Variants in GABRG3 observed in about 807,000 individuals in gnomAD.
GABRG3 encodes the protein gamma-aminobutyric acid receptor subunit gamma-3.
In GABRG3, 25 loss-of-function variants were observed where a neutral mutation model predicts 48.8. The observed-to-expected ratio is 0.51, with a 90% confidence interval of 0.37 to 0.72. GABRG3 has a LOEUF of 0.72. Among genes scored for constraint, GABRG3 ranks in the 30% least tolerant of loss-of-function variants. The probability of loss-of-function intolerance (pLI) is 0.00; values close to 1 mark genes in which losing one functional copy is unlikely to be tolerated. For missense variants in GABRG3, 394 were observed against 577.9 expected (o/e 0.68, Z 3.26); for synonymous variants, 227 against 217.6 (o/e 1.04, Z -0.38).
At chr15:27,105,066 G>A (rs1290660723) in intron 3 of GABRG3, among the ~76,000 whole-genome samples, 1 of 152,078 alleles carries the variant, frequency 6.6e-6, no homozygotes, top group South Asian at 2.1e-4. Flanking sequence ...AACATAGATT[G>A]AAAGTAAAAG....
intron 3 of GABRG3, among the ~76,000 whole-genome samples, chr15:27,192,051 GC>G (rs1475174795): frequency 6.6e-6 from 1 of 151,950 alleles, no homozygotes; most frequent in Non-Finnish European, 1.5e-5. Flanking sequence ...TTGAATATTG[GC>G]CCCCACTCTC....
chr15:27,239,278 G>T (rs1327758251), intron 3 of GABRG3, among the ~76,000 whole-genome samples: 1 of 152,172 alleles, frequency 6.6e-6, no homozygotes, highest in African/African-American at 2.4e-5. Context: ...GCTATGTTTT[G>T]TATGGAGTCT....
At chr15:27,122,026 A>G (rs928263230) in intron 3 of GABRG3, among the ~76,000 whole-genome samples, 2 of 152,316 alleles carry the variant, frequency 1.3e-5, no homozygotes, top group Admixed American at 1.3e-4. Context: ...GAAAGAATGA[A>G]TAAGACCTAA....
intron 3 of GABRG3, among the ~76,000 whole-genome samples, chr15:27,218,453 A>G (rs1277432668): frequency 6.6e-6 from 1 of 152,206 alleles, no homozygotes; most frequent in African/African-American, 2.4e-5. Context: ...CCTTTTGCTC[A>G]AAATAATCCA....
chr15:27,003,158 AT>A (rs979935665), intron 2 of GABRG3, among the ~76,000 whole-genome samples: 4 of 144,322 alleles, frequency 2.8e-5, no homozygotes, highest in Admixed American at 2.7e-4. Flanking sequence ...AATAGTTTTT[AT>A]TTTTTTATTT....
At chr15:27,242,611 T>C (rs1890160248) in intron 3 of GABRG3, among the ~76,000 whole-genome samples, 3 of 152,212 alleles carry the variant, frequency 2.0e-5, no homozygotes, top group Admixed American at 2.0e-4. Context: ...TAGAATCCAA[T>C]GTATTTATCA....
At chr15:27,455,718 A>G (rs1889253182) in intron 5 of GABRG3, among the ~76,000 whole-genome samples, 1 of 141,556 alleles carries the variant, frequency 7.1e-6, no homozygotes, top group Non-Finnish European at 1.5e-5. Flanking sequence ...TGTGCATGCT[A>G]TGTGTGGTTT....
intron 7 of GABRG3, among the ~76,000 whole-genome samples, chr15:27,524,838 A>T (rs1891236346): frequency 6.6e-6 from 1 of 152,178 alleles, no homozygotes; most frequent in Non-Finnish European, 1.5e-5. Flanking sequence ...CACAATATAA[A>T]ATGGGATAGT....
rs531594456 is a variant in GABRG3, at chr15:27,048,648, C to T, written c.270+21827C>T. ...AATCATAACATTAATCAGCTGCCCACGGGTGGGCAGGCATTGTCAATTTCC... is the reference window on the plus strand; with the variant it reads ...AATCATAACATTAATCAGCTGCCCATGGGTGGGCAGGCATTGTCAATTTCC... On this transcript the variant is annotated intron_variant, in intron 3 of 9. Coordinates refer to ENST00000615808, the MANE Select transcript of GABRG3 (RefSeq NM_033223.5). 1.7e-3 allele frequency among the ~76,000 whole-genome samples: 257 copies of T among 152,268 alleles called. 1 individual carries two copies. Among genetic ancestry groups the T allele is most frequent in the Non-Finnish European group, 3.1e-3 (212 of 68,016 alleles).
At chr15:27,071,306 C>G (rs980945886) in intron 3 of GABRG3, among the ~76,000 whole-genome samples, 4 of 152,186 alleles carry the variant, frequency 2.6e-5, no homozygotes, top group Admixed American at 1.3e-4. Flanking sequence ...CACCCTACCC[C>G]CTTCTCCTCT....
At chr15:27,431,414 CG>C (rs1206672750) in intron 5 of GABRG3, among the ~76,000 whole-genome samples, 3 of 152,184 alleles carry the variant, frequency 2.0e-5, no homozygotes, top group Admixed American at 1.3e-4. Context: ...TTATTCTAAT[CG>C]TTTTTTTGTG....
chr15:27,306,668 A>T (rs1892497701), intron 3 of GABRG3, among the ~76,000 whole-genome samples: 1 of 82,662 alleles, frequency 1.2e-5, no homozygotes, highest in African/African-American at 4.3e-5. Flanking sequence ...GAACATGTTT[A>T]TATATAAACA....
chr15:27,329,291 T>G (rs930030820), intron 5 of GABRG3, among the ~76,000 whole-genome samples: 4 of 152,212 alleles, frequency 2.6e-5, no homozygotes, highest in Non-Finnish European at 5.9e-5. Flanking sequence ...GAAACTGAGT[T>G]TTGCTCTCGT....
At chr15:27,183,730 C>T (rs1888005326) in intron 3 of GABRG3, among the ~76,000 whole-genome samples, 1 of 152,180 alleles carries the variant, frequency 6.6e-6, no homozygotes, top group African/African-American at 2.4e-5. Context: ...GTTACTCATC[C>T]ACATAATCTT....
chr15:27,456,220 A>G (rs1236410973), intron 5 of GABRG3, among the ~76,000 whole-genome samples: 1 of 152,160 alleles, frequency 6.6e-6, no homozygotes, highest in Non-Finnish European at 1.5e-5. Context: ...ACTGCCCTGG[A>G]CAGGTAGAAA....
chr15:27,002,744 C>CAAAAAA (rs71413297), intron 2 of GABRG3, among the ~76,000 whole-genome samples: 38 of 25,212 alleles, frequency 1.5e-3, no homozygotes, highest in Non-Finnish European at 1.8e-3. Flanking sequence ...CCGTGTCTCT[C>CAAAAAA]AAAAAAAAAA....
intron 3 of GABRG3, among the ~76,000 whole-genome samples, chr15:27,141,849 C>G (rs1407489442): frequency 6.6e-6 from 1 of 152,202 alleles, no homozygotes; most frequent in Non-Finnish European, 1.5e-5. Context: ...TGATGATGCA[C>G]TGCCTTTCCT....
chr15:27,338,247 AC>A (rs1244123653), intron 5 of GABRG3, among the ~76,000 whole-genome samples: 3 of 152,058 alleles, frequency 2.0e-5, no homozygotes, highest in Non-Finnish European at 4.4e-5. Flanking sequence ...TGATACTGGT[AC>A]CCTAAAAGTT....
chr15:27,313,551 T>C (rs1893104652), intron 3 of GABRG3, among the ~76,000 whole-genome samples: 1 of 151,450 alleles, frequency 6.6e-6, no homozygotes, highest in Admixed American at 6.6e-5. Context: ...TCAAGTGCAC[T>C]TAAAACGTTC....
Sources: gnomAD v4.1 joint callset for allele counts (sites outside exome capture counted in the v4.1 genomes callset) on GRCh38, gnomAD v4.1.1 for gene constraint, MANE v1.5 for transcripts, NCBI Gene and HGNC (gene_info 2026-07-23, HGNC 2026-07-21) for gene names.